Variants in TNRC6A observed in about 807,000 individuals in gnomAD.
TNRC6A encodes trinucleotide repeat-containing gene 6A protein.
In TNRC6A, 44 loss-of-function variants were observed where a neutral mutation model predicts 221.2. That is an observed-to-expected ratio of 0.20 (90% CI 0.16 to 0.26). The LOEUF (loss-of-function observed/expected upper bound fraction) is 0.26. TNRC6A is among the 10% of genes least tolerant of loss of function. TNRC6A has a pLI of 1.00. For synonymous variants in TNRC6A, 847 were observed against 838.5 expected, an observed-to-expected ratio of 1.01 and a Z score of -0.18; for missense variants, 2,199 against 2,404.4, an observed-to-expected ratio of 0.91 and a Z score of 1.79.
At chr16:24,655,266 G>C (rs1475283749) in intron 2 of TNRC6A, among the ~76,000 whole-genome samples, 4 of 151,960 alleles carry the variant, frequency 2.6e-5, no homozygotes, top group Non-Finnish European at 5.9e-5. Flanking sequence ...TGAAAGGCGG[G>C]GGGGAACACT....
At chr16:24,731,267 C>T (rs2056634028) in intron 2 of TNRC6A, among the ~76,000 whole-genome samples, 1 of 151,874 alleles carries the variant, frequency 6.6e-6, no homozygotes, top group South Asian at 2.1e-4. Context: ...ATGTAGTTTG[C>T]TCTTGATGAT....
At chr16:24,758,288 T>G (rs375178865) in intron 3 of TNRC6A, 51 bp from the exon 4 acceptor site, 1 of 1,545,634 alleles carries the variant, frequency 6.5e-7, no homozygotes, top group African/African-American at 1.4e-5. Flanking sequence ...ACAGTCCATT[T>G]CTTTCAGTTT....
rs74016421 is a variant in TNRC6A at position 24,749,015 on chromosome 16, C to T, written c.54-1711C>T. 5.3e-3 allele frequency among the ~76,000 whole-genome samples: 813 copies of T among 152,288 alleles called. 10 individuals are homozygous for T. Among genetic ancestry groups the T allele is most frequent in the African/African-American group, 0.017 (719 of 41,558 alleles). On this transcript the variant is annotated intron_variant, in intron 2 of 24. Transcript: ENST00000395799. ...TCAGCCTCCCGAGTAGCTGGGACTA[C>T]AGGTGCCCGCCACCACGCCCCTGCC...
At chr16:24,693,498 G>T (rs952680748) in intron 2 of TNRC6A, among the ~76,000 whole-genome samples, 1 of 152,160 alleles carries the variant, frequency 6.6e-6, no homozygotes, top group Non-Finnish European at 1.5e-5. Context: ...TGAGGCAGGA[G>T]AATCGCTTGA....
At chr16:24,631,396 A>G (rs566287864) in intron 1 of TNRC6A, among the ~76,000 whole-genome samples, 1 of 152,224 alleles carries the variant, frequency 6.6e-6, no homozygotes, top group Admixed American at 6.6e-5. Flanking sequence ...GAGTTCCAGG[A>G]CACCCCACTC....
chr16:24,625,711 C>G (rs993020769), intron 1 of TNRC6A, among the ~76,000 whole-genome samples: 1 of 117,854 alleles, frequency 8.5e-6, no homozygotes, highest in Non-Finnish European at 1.6e-5. Context: ...CCGGCCTGGG[C>G]GACAGAGCGA....
intron 15 of TNRC6A, among the ~76,000 whole-genome samples, chr16:24,805,967 T>C (rs888284299): frequency 6.6e-6 from 1 of 152,154 alleles, no homozygotes; most frequent in Non-Finnish European, 1.5e-5. Context: ...CTAGTGTTAG[T>C]AGGATGATTA....
At chr16:24,621,577 C>T (rs1441711383) in intron 1 of TNRC6A, among the ~76,000 whole-genome samples, 1 of 151,870 alleles carries the variant, frequency 6.6e-6, no homozygotes, top group Non-Finnish European at 1.5e-5. Context: ...AGGCTGGTCT[C>T]GAACTCCTGA....
chr16:24,611,495 C>A (rs1466495586), intron 1 of TNRC6A, among the ~76,000 whole-genome samples: 2 of 151,984 alleles, frequency 1.3e-5, no homozygotes, highest in East Asian at 3.9e-4. Flanking sequence ...AGTCAGGAGA[C>A]AAGGCACTCG....
At chr16:24,652,800 C>G (rs1902746354) in intron 2 of TNRC6A, among the ~76,000 whole-genome samples, 1 of 152,178 alleles carries the variant, frequency 6.6e-6, no homozygotes, top group African/African-American at 2.4e-5. Context: ...TGCTAGTTCT[C>G]TACCTCCCTG....
At chr16:24,771,516 C>CATGTTATGTTATGTTATGTTATTTT (rs2057591140) in intron 4 of TNRC6A, among the ~76,000 whole-genome samples, 2 of 88,120 alleles carry the variant, frequency 2.3e-5, no homozygotes, top group African/African-American at 9.6e-5. Flanking sequence ...GAGCCTGGTG[C>CATGTTATGTTATGTTATGTTATTTT]ATGTTATGTT....
In TNRC6A at chr16:24,790,501, T is replaced by G; in HGVS notation, c.1859T>G (p.Leu620Arg). The change falls in exon 6 of 25, where the codon CTG (leucine) becomes CGG (arginine). Residue 620 changes from leucine to arginine, a missense_variant. By Grantham distance (102) the Leu-to-Arg change is moderately radical. This residue lies in a region of TNRC6A where 1,405 missense variants were observed against 1,400.2 expected (regional missense o/e 1.00). Transcript: ENST00000395799. ...TNLPSVEWNK[L>R]PSNQHSNDSA... is the part of the protein sequence containing the mutation. ...TTACCCAGCGTTGAGTGGAACAAAC[T>G]GCCTAGCAATCAGCATTCCAATGAT... is the stretch of plus-strand genomic sequence containing the variant. The G allele has an allele frequency of 6.2e-7, 1 of 1,614,236 alleles. No homozygotes were observed. The highest frequency in any genetic ancestry group is 8.5e-7 in the Non-Finnish European group (1 of 1,180,044).
intron 2 of TNRC6A, among the ~76,000 whole-genome samples, chr16:24,650,015 A>C (rs1413109520): frequency 6.6e-6 from 1 of 151,076 alleles, no homozygotes; most frequent in Non-Finnish European, 1.5e-5. Context: ...GTAGAGATGG[A>C]GTTTCACCAT....
chr16:24,800,110 G>A (rs142361137), intron 11 of TNRC6A, among the ~76,000 whole-genome samples: 15 of 152,246 alleles, frequency 9.9e-5, no homozygotes, highest in East Asian at 9.6e-4. Flanking sequence ...CCATTGTTGC[G>A]GTTTTTGTTG....
At chr16:24,667,190 T>C (rs1596632878) in intron 2 of TNRC6A, among the ~76,000 whole-genome samples, 1 of 152,306 alleles carries the variant, frequency 6.6e-6, no homozygotes, top group African/African-American at 2.4e-5. Context: ...GGGTGGTTTT[T>C]CTGGTCTCAT....
At chr16:24,781,631 T>C (rs2057848481) in intron 5 of TNRC6A, among the ~76,000 whole-genome samples, 1 of 152,182 alleles carries the variant, frequency 6.6e-6, no homozygotes, top group East Asian at 1.9e-4. Flanking sequence ...GTTGGGCCCC[T>C]CAAAACTCAG....
chr16:24,746,953 G>A (rs972491195), intron 2 of TNRC6A, among the ~76,000 whole-genome samples: 1 of 152,118 alleles, frequency 6.6e-6, no homozygotes, highest in Non-Finnish European at 1.5e-5. Context: ...CCAGACTCCT[G>A]GGATTACAGG....
chr16:24,807,951 A>T (rs2058468840), intron 17 of TNRC6A, among the ~76,000 whole-genome samples: 2 of 152,206 alleles, frequency 1.3e-5, no homozygotes, highest in Admixed American at 1.3e-4. Context: ...CTGTGACTGA[A>T]CTGGTTTGGC....
chr16:24,742,873 G>A (rs191710918), intron 2 of TNRC6A, among the ~76,000 whole-genome samples: 324 of 152,320 alleles, frequency 2.1e-3, no homozygotes, highest in African/African-American at 7.3e-3. Context: ...GGAGGTGGCA[G>A]TGAGCCGAGA....
Sources: gnomAD v4.1 joint callset for allele counts (sites outside exome capture counted in the v4.1 genomes callset) on GRCh38, gnomAD v4.1.1 for gene constraint, gnomAD v4.1.1 regional missense constraint, MANE v1.5 for transcripts, NCBI Gene and HGNC (gene_info 2026-07-23, HGNC 2026-07-21) for gene names.